The following CASD1 variants were observed in gnomAD, a reference collection of about 807,000 sequenced individuals.
The protein encoded by CASD1 is N-acetylneuraminate (7)9-O-acetyltransferase.
Under a neutral mutation model 100.0 loss-of-function variants are expected in CASD1, and 41 were observed. The observed-to-expected ratio is 0.41, with a 90% CI of 0.32 to 0.53. The LOEUF is 0.53. Ranked by LOEUF, CASD1 falls within the 20% of genes least tolerant of loss-of-function variation. CASD1 has a pLI of 0.25. For missense variants in CASD1, 774 were observed against 948.7 expected (o/e 0.82, Z 2.42); for synonymous variants, 321 against 315.6 (o/e 1.02, Z -0.18).
At position 94,533,753 on chromosome 7, in the gene CASD1, A is replaced by C; in HGVS notation, c.579A>C (p.Pro193=). Residue 193 remains proline, a synonymous_variant, in exon 7 of 18, where the codon CCA becomes CCC. Transcript: ENST00000297273. ...QYKMNITSIA[P]LLEKLAKTSD... is the part of the protein sequence containing the mutation. ...AAATGAACATCACCTCCATAGCACC[A>C]CTTTTAGAAAAATTGGCAAAGACTA... 3.1e-6 allele frequency: 5 copies of C among 1,604,560 alleles called. No homozygotes were observed. Among genetic ancestry groups the C allele is most frequent in the Non-Finnish European group, 4.3e-6 (5 of 1,175,410 alleles).
chr7:94,530,295 C>A (rs1305535262), intron 5 of CASD1, among the ~76,000 whole-genome samples: 1 of 152,050 alleles, frequency 6.6e-6, no homozygotes, highest in Admixed American at 6.6e-5. Context: ...TGATGTATAG[C>A]CTATTCAGGG....
In CASD1 at chr7:94,552,407, C is replaced by T; in HGVS notation, c.2014C>T (p.Pro672Ser). Residue 672 changes from proline to serine, a missense_variant, in exon 16 of 18, where the codon CCG becomes TCG. Physicochemically the swap from Pro to Ser is moderately conservative, Grantham distance 74 (BLOSUM62 -1). Around this residue, in one of 5 missense-constraint regions of CASD1, gnomAD observed 175 missense variants for 206.9 expected, o/e 0.85. Transcript: ENST00000297273. Reference sequence around the variant, plus strand: ...CAAAGCAGAGTGCAATGAACTCCATCCGTCTGTTTCTGTGGTACAGGTACT... The same window carrying T: ...CAAAGCAGAGTGCAATGAACTCCATTCGTCTGTTTCTGTGGTACAGGTACT... Reference protein sequence around the residue: ...KNKAECNELHPSVSVVQILAF... With the variant: ...KNKAECNELHSSVSVVQILAF... 1 of 1,610,158 alleles carries T rather than the reference C, an allele frequency of 6.2e-7. No homozygotes were observed. The highest frequency in any genetic ancestry group is 8.5e-7 in the Non-Finnish European group (1 of 1,178,486).
At chr7:94,617,772 T>G in the CASD1 span, 1 of 119,958 alleles carries the variant, frequency 8.3e-6, no homozygotes, top group Non-Finnish European at 1.7e-5. Flanking sequence ...CAGCTCACTG[T>G]TTTTCCCCAT....
At chr7:94,631,658 G>A in the CASD1 span, among the ~76,000 whole-genome samples, 11 of 151,978 alleles carry the variant, frequency 7.2e-5, no homozygotes, top group South Asian at 4.1e-4. Context: ...GGGGCCTTTC[G>A]GGGAAGGGAA....
chr7:94,509,816 G>A lies in CASD1; in HGVS notation c.-269G>A. Reference sequence around the variant, plus strand: ...GAGGAGGAGGAAGGGGAGGAGACAGGCGTCCAGGGCGCCTGGGGAACCGGC... The same window carrying A: ...GAGGAGGAGGAAGGGGAGGAGACAGACGTCCAGGGCGCCTGGGGAACCGGC... On this transcript the variant is annotated 5_prime_UTR_variant, in exon 1 of 18. Coordinates refer to ENST00000297273, the MANE Select transcript of CASD1 (RefSeq NM_022900.5). The A allele has an allele frequency of 1.0e-6, 1 of 996,258 alleles. No homozygotes were observed. The highest frequency in any genetic ancestry group is 1.7e-5 in the African/African-American group (1 of 57,572). The allele number at this position is 996,258 out of a possible 1,614,324, so 61.7% of individuals were successfully genotyped here. A position where few individuals can be genotyped will look rare whatever the true frequency, so the allele number is the denominator to read the frequency against.
the CASD1 span, among the ~76,000 whole-genome samples, chr7:94,614,495 C>G: frequency 6.6e-6 from 1 of 152,184 alleles, no homozygotes; most frequent in African/African-American, 2.4e-5. Flanking sequence ...TTCTGGATCT[C>G]TTTCTCCATT....
intron 17 of CASD1, among the ~76,000 whole-genome samples, chr7:94,555,199 A>G (rs866764477): frequency 5.3e-5 from 8 of 152,078 alleles, no homozygotes; most frequent in Non-Finnish European, 7.4e-5. Flanking sequence ...TTTTTAGAGT[A>G]TAGGATTTAT....
At chr7:94,617,340 AAGTG>A in the CASD1 span, 2 of 152,184 alleles carry the variant, frequency 1.3e-5, no homozygotes, top group Non-Finnish European at 2.9e-5. Context: ...TAACGAGAAA[AAGTG>A]AGACCAGAAT....
chr7:94,569,883 G>A, the CASD1 span, among the ~76,000 whole-genome samples: 28 of 148,800 alleles, frequency 1.9e-4, no homozygotes, highest in Admixed American at 9.4e-4. Context: ...GTGTGATCTC[G>A]GCTCACTGCA....
At chr7:94,532,257 G>T (rs1445807534) in intron 5 of CASD1, among the ~76,000 whole-genome samples, 1 of 151,874 alleles carries the variant, frequency 6.6e-6, no homozygotes, top group Non-Finnish European at 1.5e-5. Flanking sequence ...TATAAATTAG[G>T]CACACTAAGA....
At chr7:94,546,989 T>C in intron 12 of CASD1, 107 bp from the exon 13 acceptor site, 1 of 614,502 alleles carries the variant, frequency 1.6e-6, no homozygotes, top group Non-Finnish European at 2.6e-6. Flanking sequence ...AGCATTCTTA[T>C]ATTATTTTAA....
the CASD1 span, among the ~76,000 whole-genome samples, chr7:94,606,901 A>G: frequency 6.6e-6 from 1 of 152,340 alleles, no homozygotes; most frequent in South Asian, 2.1e-4. Flanking sequence ...AAACTTGAAA[A>G]TATTCTGAAT....
chr7:94,596,176 G>T, the CASD1 span, among the ~76,000 whole-genome samples: 1 of 152,044 alleles, frequency 6.6e-6, no homozygotes, highest in African/African-American at 2.4e-5. Context: ...AGTCTTGATG[G>T]GGTTATGGAA....
intron 1 of CASD1, among the ~76,000 whole-genome samples, chr7:94,510,521 G>A (rs1455123566): frequency 2.0e-5 from 3 of 152,298 alleles, no homozygotes; most frequent in Middle Eastern, 6.8e-3. Flanking sequence ...GCTCCTGAGC[G>A]GTCTGGGTTC....
At chr7:94,514,752 G>A (rs1049319613) in intron 1 of CASD1, among the ~76,000 whole-genome samples, 2 of 152,014 alleles carry the variant, frequency 1.3e-5, no homozygotes, top group Admixed American at 1.3e-4. Flanking sequence ...AGCTGAAGTA[G>A]ATAGTCCTGT....
At chr7:94,588,731 T>G in the CASD1 span, 1 of 1,612,944 alleles carries the variant, frequency 6.2e-7, no homozygotes, top group South Asian at 1.1e-5. Flanking sequence ...TGTGGCAAGT[T>G]CCTAGAAATG....
chr7:94,595,488 G>T, the CASD1 span, among the ~76,000 whole-genome samples: 1 of 152,110 alleles, frequency 6.6e-6, no homozygotes, highest in African/African-American at 2.4e-5. Flanking sequence ...TAGTATGAAT[G>T]TGAAGATGAA....
intron 12 of CASD1, 140 bp from the exon 13 acceptor site, chr7:94,546,956 G>T: frequency 2.0e-6 from 1 of 498,160 alleles, no homozygotes; most frequent in Non-Finnish European, 3.4e-6. Context: ...ATACTAACTG[G>T]ATATATTTTG....
At chr7:94,558,675 G>A (rs1796285158), downstream of CASD1, among the ~76,000 whole-genome samples, 1 of 152,086 alleles carries the variant, frequency 6.6e-6, no homozygotes, top group Admixed American at 6.6e-5. Flanking sequence ...TTGGCAAGGT[G>A]TATTCTGGCT....
Sources: allele counts gnomAD v4.1 joint callset (sites outside exome capture counted in the v4.1 genomes callset), GRCh38; gene constraint gnomAD v4.1.1; regional missense constraint gnomAD v4.1.1; transcripts MANE v1.5; gene names NCBI Gene and HGNC (gene_info 2026-07-23, HGNC 2026-07-21).